Variants in ENPEP observed in about 807,000 individuals in gnomAD.
ENPEP encodes AP-A.
In ENPEP, 103 loss-of-function variants were observed where a neutral mutation model predicts 114.5. The observed-to-expected ratio is 0.90, with a 90% confidence interval of 0.77 to 1.06. ENPEP has a LOEUF of 1.06. ENPEP is among the 50% of genes least tolerant of loss of function. The pLI, the probability that ENPEP is intolerant of heterozygous loss-of-function variation, is 0.00. For synonymous variants in ENPEP, 420 were observed against 422.0 expected (o/e 1.00, Z 0.06); for missense variants, 1,196 against 1,161.3 (o/e 1.03, Z -0.43).
At chr4:110,523,667 T>C (rs570059088) in intron 10 of ENPEP, among the ~76,000 whole-genome samples, 1 of 152,338 alleles carries the variant, frequency 6.6e-6, no homozygotes, top group African/African-American at 2.4e-5. Context: ...TAAACATTTT[T>C]GTTATGGTGG....
At chr4:110,526,577 G>T (rs377300672) in intron 10 of ENPEP, among the ~76,000 whole-genome samples, 1 of 152,250 alleles carries the variant, frequency 6.6e-6, no homozygotes, top group South Asian at 2.1e-4. Flanking sequence ...AAGACGAAGA[G>T]GAAGGCAGGA....
intron 3 of ENPEP, 24 bp downstream of exon 3, chr4:110,491,188 A>C: frequency 6.4e-7 from 1 of 1,567,224 alleles, no homozygotes. Flanking sequence ...TATTTTAAAA[A>C]TTTACCACCT....
intron 1 of ENPEP, among the ~76,000 whole-genome samples, chr4:110,487,359 T>C (rs1442034817): frequency 1.3e-5 from 2 of 152,216 alleles, no homozygotes; most frequent in African/African-American, 2.4e-5. Context: ...CGGCCTATGC[T>C]CAGGAATGAA....
chr4:110,536,411 C>T (rs1408917334), intron 11 of ENPEP, among the ~76,000 whole-genome samples: 1 of 152,196 alleles, frequency 6.6e-6, no homozygotes, highest in Non-Finnish European at 1.5e-5. Context: ...GAATCCCTCA[C>T]TGGTTCTTTT....
In ENPEP at chr4:110,476,554, G is replaced by A. The variant is rs756976273; in HGVS notation, c.140G>A (p.Gly47Glu). ...VGLTRSCDSS[G>E]DGGPGTAPAP... ...TTGACCAGATCGTGTGACTCCAGCG[G>A]GGACGGCGGGCCGGGCACTGCGCCA... is the stretch of plus-strand genomic sequence containing the variant. Residue 47 changes from glycine (G) to glutamate (E), a missense_variant, in exon 1 of 20, where the codon GGG becomes GAG. Transcript: ENST00000265162. The A allele has an allele frequency of 4.7e-5, 76 of 1,612,762 alleles. No individual in the cohort carries two copies. The highest frequency in any genetic ancestry group is 6.2e-5 in the Non-Finnish European group (73 of 1,179,162).
chr4:110,557,842 A>G (rs894393335), intron 18 of ENPEP, among the ~76,000 whole-genome samples: 31 of 152,166 alleles, frequency 2.0e-4, no homozygotes, highest in Middle Eastern at 3.2e-3. Flanking sequence ...ATCATGCTTG[A>G]TTACTAGAAC....
At position 110,564,968 on chromosome 4, in the gene ENPEP, A is replaced by C. The variant is rs1210146416; in HGVS notation, c.*3410A>C. On this transcript the variant is annotated 3_prime_UTR_variant, in exon 20 of 20. Transcript: ENST00000265162. ...AGTACACATGTGCTGTAAATGAGAA[A>C]TACCCCTTTGTTATTGTAAATCACT... The C allele has an allele frequency of 6.6e-6, 1 of 152,170 alleles. No individual in the cohort carries two copies. Among genetic ancestry groups the C allele is most frequent in the Non-Finnish European group, 1.5e-5 (1 of 68,032 alleles). 9.4% of individuals were successfully genotyped at this position (152,170 alleles called of 1,614,324 possible). A position where few individuals can be genotyped will look rare whatever the true frequency, so the allele number is the denominator to read the frequency against.
intron 9 of ENPEP, 61 bp from the exon 10 acceptor site, chr4:110,520,154 C>G: frequency 6.3e-7 from 1 of 1,594,448 alleles, no homozygotes. Context: ...TCTAACTATT[C>G]TATCCTTTTA....
At chr4:110,486,924 G>T (rs1285863976) in intron 1 of ENPEP, among the ~76,000 whole-genome samples, 2 of 152,104 alleles carry the variant, frequency 1.3e-5, no homozygotes, top group Admixed American at 6.6e-5. Flanking sequence ...ATAATTTGGC[G>T]GGTAGGGGCT....
intron 11 of ENPEP, among the ~76,000 whole-genome samples, chr4:110,539,566 TAAATAAATTG>T (rs1455153237): frequency 6.6e-6 from 1 of 152,164 alleles, no homozygotes; most frequent in East Asian, 1.9e-4. Flanking sequence ...TTTGCTTTCT[TAAATAAATTG>T]AGATGGGGGT....
intron 1 of ENPEP, among the ~76,000 whole-genome samples, chr4:110,484,494 C>T (rs1273860045): frequency 1.3e-5 from 2 of 151,888 alleles, no homozygotes; most frequent in Non-Finnish European, 2.9e-5. Flanking sequence ...ATCTGGGTCA[C>T]TGTGATTGAG....
intron 8 of ENPEP, among the ~76,000 whole-genome samples, chr4:110,517,843 G>T (rs1725838416): frequency 6.6e-6 from 1 of 152,124 alleles, no homozygotes; most frequent in Non-Finnish European, 1.5e-5. Flanking sequence ...AATAGTATAT[G>T]ATCGATATGG....
intron 11 of ENPEP, chr4:110,532,970 A>G (rs1412724713): frequency 3.7e-6 from 1 of 271,494 alleles, no homozygotes; most frequent in African/African-American, 2.2e-5. Context: ...AGACATTTTC[A>G]ACAATGTGTA....
intron 6 of ENPEP, among the ~76,000 whole-genome samples, chr4:110,510,629 G>T (rs1725540424): frequency 6.6e-6 from 1 of 150,734 alleles, no homozygotes; most frequent in African/African-American, 2.4e-5. Flanking sequence ...AAAAAAAACA[G>T]GTGGCATAGA....
chr4:110,491,840 C>A (rs554753819), intron 3 of ENPEP, among the ~76,000 whole-genome samples: 73 of 151,592 alleles, frequency 4.8e-4, no homozygotes, highest in Non-Finnish European at 1.0e-3. Context: ...CTTGCCTCAG[C>A]CTCCTGAGTA....
In ENPEP at chr4:110,476,887, G is replaced by C. The variant is rs1489093019; in HGVS notation, c.473G>C (p.Arg158Pro). 1 of 1,614,016 alleles carries C rather than the reference G, an allele frequency of 6.2e-7. No individual in the cohort carries two copies. Among genetic ancestry groups the C allele is most frequent in the Non-Finnish European group, 8.5e-7 (1 of 1,180,030 alleles). ...KRPSGDQVQV[R>P]RCFEYKKQEY... ...CCCTCTGGGGACCAGGTGCAAGTCC[G>C]GAGGTGTTTCGAGTACAAAAAGCAG... Residue 158 changes from arginine (R) to proline (P), a missense_variant, in exon 1 of 20, where the codon CGG (arginine) becomes CCG (proline). Physicochemically the swap from Arg to Pro is moderately radical, Grantham distance 103 (BLOSUM62 -2). Coordinates refer to ENST00000265162, the MANE Select transcript of ENPEP (RefSeq NM_001977.4).
At chr4:110,527,656 C>T (rs1726246884) in intron 10 of ENPEP, among the ~76,000 whole-genome samples, 1 of 152,156 alleles carries the variant, frequency 6.6e-6, no homozygotes, top group South Asian at 2.1e-4. Flanking sequence ...CTGCTAACAA[C>T]TATAAAGTGT....
At chr4:110,525,616 A>G (rs1183930136) in intron 10 of ENPEP, among the ~76,000 whole-genome samples, 3 of 152,086 alleles carry the variant, frequency 2.0e-5, no homozygotes, top group Non-Finnish European at 2.9e-5. Flanking sequence ...AAGATCAATT[A>G]TCTTGTAGCA....
rs373049379 is a variant in ENPEP at position 110,488,681 on chromosome 4, C to T, written c.785C>T (p.Ala262Val). 21 of 1,606,326 alleles carry T rather than the reference C, an allele frequency of 1.3e-5. No homozygotes were observed. The highest frequency in any genetic ancestry group is 6.7e-5 in the African/African-American group (5 of 74,392). The change falls in exon 2 of 20, where the codon GCG becomes GTG. Residue 262 changes from alanine to valine, a missense_variant and splice_region_variant. By Grantham distance (64) the Ala-to-Val change is moderately conservative (BLOSUM62 0). Coordinates refer to ENST00000265162, the MANE Select transcript of ENPEP (RefSeq NM_001977.4). ...EYGALSNMPVAKEESVDDKWT... is the reference protein window; with the variant it reads ...EYGALSNMPVVKEESVDDKWT... Reference sequence around the variant, plus strand: ...GGAGCACTTTCAAATATGCCAGTGGCGGTAAGTATTTTTTAAATGTTTTGT... The same window carrying T: ...GGAGCACTTTCAAATATGCCAGTGGTGGTAAGTATTTTTTAAATGTTTTGT...
Sources: gnomAD v4.1 joint callset for allele counts (sites outside exome capture counted in the v4.1 genomes callset) on GRCh38, gnomAD v4.1.1 for gene constraint, MANE v1.5 for transcripts, NCBI Gene and HGNC (gene_info 2026-07-23, HGNC 2026-07-21) for gene names.